Variants in COX7A2L observed in about 807,000 individuals in gnomAD.
COX7A2L encodes the protein cytochrome c oxidase subunit 7A2 like, also known as cytochrome c oxidase subunit 7A2-like, mitochondrial.
COX7A2L carries 18 observed loss-of-function variants against 14.2 expected under a neutral mutation model. The observed-to-expected ratio is 1.27, with a 90% confidence interval of 0.88 to 1.88. COX7A2L has a LOEUF of 1.88. COX7A2L is among the 40% of genes most tolerant of loss of function. The pLI is 0.00. For missense variants in COX7A2L, 179 were observed against 138.8 expected, an observed-to-expected ratio of 1.29 and a Z score of -1.46; for synonymous variants, 65 against 57.4, an observed-to-expected ratio of 1.13 and a Z score of -0.60.
Position 42,361,132 on chromosome 2 carries a change from C to T in COX7A2L, c.30G>A (p.Gln10=). 2 of 1,613,908 alleles carry T rather than the reference C, an allele frequency of 1.2e-6. No homozygotes were observed. Among genetic ancestry groups the T allele is most frequent in the South Asian group, 2.2e-5 (2 of 91,026 alleles). ...CCGAAGCCCATGCTCCTGCCAACTT[C>T]TGCGTGAAGCCACTAAACTTGTAGT... MYYKFSGFT[Q]KLAGAWASEA... is the part of the protein sequence containing the mutation. The change falls in exon 1 of 3, where the codon CAG becomes CAA. Residue 10 remains glutamine, a synonymous_variant. Coordinates refer to ENST00000234301, the MANE Select transcript of COX7A2L (RefSeq NM_004718.4).
Position 42,339,058 on chromosome 2 carries a change from G to A in COX7A2L, c.193-5189C>T, listed in dbSNP as rs1670346350. Reference sequence around the variant, plus strand: ...AGCCATGGGCAACGCAACAGATTGTGAGGAAACCCTGCAGATGGCTCCGTT... The same window carrying A: ...AGCCATGGGCAACGCAACAGATTGTAAGGAAACCCTGCAGATGGCTCCGTT... On this transcript the variant is annotated intron_variant, in intron 2 of 2. Coordinates refer to the COX7A2L transcript ENST00000468711. The surrounding 1 kb of genome is among the most constrained non-coding windows in gnomAD (Gnocchi z 5.4). 1.3e-5 allele frequency among the ~76,000 whole-genome samples: 2 copies of A among 152,222 alleles called. No individual in the cohort carries two copies. Among genetic ancestry groups the A allele is most frequent in the Admixed American group, 1.3e-4 (2 of 15,286 alleles).
In COX7A2L at chr2:42,353,358, A is replaced by G. The variant is rs760727768; in HGVS notation, c.73-15T>C. 1.5e-5 allele frequency: 24 copies of G among 1,611,622 alleles called. 1 individual carries two copies. In the African/African-American group the frequency reaches 2.8e-4, roughly 19 times the overall value. On this transcript the variant is annotated splice_polypyrimidine_tract_variant and intron_variant, in intron 1 of 2. Transcript: ENST00000234301. ...GGCTTTAATCCCTGTAGAGAAAAAA[A>G]GGAAAATGGCAAGTTGAAAGTATGT...
chr2:42,361,119 C>T lies in COX7A2L; in HGVS notation c.43G>A (p.Ala15Thr). 3 of 1,613,888 alleles carry T rather than the reference C, an allele frequency of 1.9e-6. No individual in the cohort carries two copies. Among genetic ancestry groups the T allele is most frequent in the Non-Finnish European group, 2.5e-6 (3 of 1,179,930 alleles). Residue 15 changes from alanine to threonine, a missense_variant, in exon 1 of 3, where the codon GCA becomes ACA. Coordinates refer to ENST00000234301, the MANE Select transcript of COX7A2L (RefSeq NM_004718.4). ...FSGFTQKLAG[A>T]WASEAYSPQG... The stretch of plus-strand genomic sequence containing the variant: ...GGGCTATAGGCCTCCGAAGCCCATG[C>T]TCCTGCCAACTTCTGCGTGAAGCCA...
rs762637743 is a variant in COX7A2L at position 42,353,349 on chromosome 2, G to C, written c.73-6C>G. The C allele has an allele frequency of 1.8e-5, 29 of 1,610,982 alleles. No homozygotes were observed. The highest frequency in any genetic ancestry group is 2.4e-5 in the Non-Finnish European group (28 of 1,179,318). On this transcript the variant is annotated splice_polypyrimidine_tract_variant and splice_region_variant and intron_variant, in intron 1 of 2. Coordinates refer to ENST00000234301, the MANE Select transcript of COX7A2L (RefSeq NM_004718.4). ...GAAACCACAGGCTTTAATCCCTGTAGAGAAAAAAAGGAAAATGGCAAGTTG... is the reference window on the plus strand; with the variant it reads ...GAAACCACAGGCTTTAATCCCTGTACAGAAAAAAAGGAAAATGGCAAGTTG...
At chr2:42,348,819 G>A (rs1388650681), downstream of COX7A2L, among the ~76,000 whole-genome samples, 1 of 152,056 alleles carries the variant, frequency 6.6e-6, no homozygotes, top group Non-Finnish European at 1.5e-5. Context: ...TCGGGAGGCT[G>A]ACTCAAAAGA....
At chr2:42,357,377 C>T (rs1315502880) in intron 1 of COX7A2L, among the ~76,000 whole-genome samples, 1 of 152,202 alleles carries the variant, frequency 6.6e-6, no homozygotes, top group African/African-American at 2.4e-5. Flanking sequence ...GCATTGATCA[C>T]AGCTCACTGC....
rs1247940272 is a variant in COX7A2L at position 42,367,824 on chromosome 2, G to C, written c.-688+1044C>G. 2.0e-5 allele frequency among the ~76,000 whole-genome samples: 3 copies of C among 152,200 alleles called. 1 individual carries two copies. Among genetic ancestry groups the C allele is most frequent in the Non-Finnish European group, 4.4e-5 (3 of 68,044 alleles). On this transcript the variant is annotated intron_variant, in intron 1 of 3. Coordinates refer to the COX7A2L transcript ENST00000378669. ...CAGCAGGGAGAGCCCAATGCAGACA[G>C]GATTGCTGGCGTTTCATTGTATGAT... is the stretch of plus-strand genomic sequence containing the variant.
At chr2:42,356,654 T>G (rs1670828047) in intron 1 of COX7A2L, among the ~76,000 whole-genome samples, 1 of 152,126 alleles carries the variant, frequency 6.6e-6, no homozygotes, top group African/African-American at 2.4e-5. Context: ...AGGCTGGGCG[T>G]AATGGCTCAT....
At chr2:42,358,638 T>C (rs1670908405) in intron 1 of COX7A2L, among the ~76,000 whole-genome samples, 2 of 152,194 alleles carry the variant, frequency 1.3e-5, no homozygotes, top group Non-Finnish European at 1.5e-5. Context: ...AATCTTTAAG[T>C]AACTAAGAAG....
chr2:42,363,455 G>T (rs1671101215), upstream of COX7A2L, among the ~76,000 whole-genome samples: 1 of 152,196 alleles, frequency 6.6e-6, no homozygotes, highest in African/African-American at 2.4e-5. Flanking sequence ...AGGTGTACCA[G>T]CTTCTTTTAT....
At chr2:42,363,125 C>T (rs147146299), upstream of COX7A2L, among the ~76,000 whole-genome samples, 7 of 152,250 alleles carry the variant, frequency 4.6e-5, no homozygotes, top group Admixed American at 1.3e-4. Flanking sequence ...ATCTGCCAAA[C>T]TCAAGACTCC....
chr2:42,352,791 C>G (rs985054420), intron 2 of COX7A2L: 18 of 197,456 alleles, frequency 9.1e-5, no homozygotes, highest in African/African-American at 3.3e-4. Context: ...CTACTTTCAG[C>G]AATAGCTCAG....
rs1670421064 is a variant in COX7A2L, at chr2:42,342,559, G to C, written c.193-8690C>G. 6.6e-6 allele frequency among the ~76,000 whole-genome samples: 1 copy of C among 152,118 alleles called. No homozygotes were observed. Among genetic ancestry groups the C allele is most frequent in the African/African-American group, 2.4e-5 (1 of 41,430 alleles). On this transcript the variant is annotated intron_variant, in intron 2 of 2. Coordinates refer to the COX7A2L transcript ENST00000468711. The surrounding 1 kb of genome is among the most constrained non-coding windows in gnomAD (Gnocchi z 4.9). The stretch of plus-strand genomic sequence containing the variant: ...GGAGGCAACGCCACCATTTCTCACA[G>C]CCTGGGGCAGCTTGGAATGTGATAT...
Position 42,351,036 on chromosome 2 carries a change from C to T in COX7A2L, c.*183G>A, listed in dbSNP as rs1031377588. ...TTCTTTAAACAATGGCTTTAACTGT[C>T]GAATGAGCTCTGACAAGCCATATGC... On this transcript the variant is annotated 3_prime_UTR_variant, in exon 3 of 3. Coordinates refer to ENST00000234301, the MANE Select transcript of COX7A2L (RefSeq NM_004718.4). 3.4e-6 allele frequency: 2 copies of T among 595,522 alleles called. No individual in the cohort carries two copies. The highest frequency in any genetic ancestry group is 1.9e-5 in the African/African-American group (1 of 53,284). 36.9% of individuals were successfully genotyped at this position (595,522 alleles called of 1,614,324 possible). A position where few individuals can be genotyped will look rare whatever the true frequency, so the allele number is the denominator to read the frequency against.
downstream of COX7A2L, among the ~76,000 whole-genome samples, chr2:42,346,670 G>A (rs1670503825): frequency 6.6e-6 from 1 of 151,870 alleles, no homozygotes; most frequent in Admixed American, 6.6e-5. Flanking sequence ...AGGGTGAGGT[G>A]GATCACTTGA....
downstream of COX7A2L, among the ~76,000 whole-genome samples, chr2:42,345,479 A>C (rs1297162732): frequency 6.6e-6 from 1 of 151,144 alleles, no homozygotes; most frequent in Non-Finnish European, 1.5e-5. Flanking sequence ...ATTGCAAAAA[A>C]AAAAACTGTC....
chr2:42,347,751 G>A (rs867935600), downstream of COX7A2L, among the ~76,000 whole-genome samples: 1 of 152,094 alleles, frequency 6.6e-6, no homozygotes, highest in African/African-American at 2.4e-5. Flanking sequence ...GAGAAACCCC[G>A]TCTCTACTAA....
chr2:42,345,300 T>G (rs1670473421), downstream of COX7A2L, among the ~76,000 whole-genome samples: 1 of 151,474 alleles, frequency 6.6e-6, no homozygotes, highest in African/African-American at 2.4e-5. Flanking sequence ...GGATAATCAC[T>G]TGAACCCGGG....
At chr2:42,336,202 C>G (rs1448905117) in intron 2 of COX7A2L, among the ~76,000 whole-genome samples, 1 of 152,188 alleles carries the variant, frequency 6.6e-6, no homozygotes, top group East Asian at 1.9e-4. Context: ...GAGGTTGGGC[C>G]AACTCCATGC....
Sources: allele counts gnomAD v4.1 joint callset (sites outside exome capture counted in the v4.1 genomes callset), GRCh38; gene constraint gnomAD v4.1.1; non-coding constraint Gnocchi (gnomAD v3.1); transcripts MANE v1.5; gene names NCBI Gene and HGNC (gene_info 2026-07-23, HGNC 2026-07-21).